The following KCNH1 variants were observed in gnomAD, a reference collection of about 807,000 sequenced individuals.
KCNH1 encodes potassium voltage-gated channel subfamily H member 1.
A neutral mutation model predicts 69.2 loss-of-function variants in KCNH1; 27 were observed. That is an observed-to-expected ratio of 0.39 (90% CI 0.29 to 0.54). The LOEUF (loss-of-function observed/expected upper bound fraction) is 0.54, where lower values mean the gene tolerates loss of function less well. KCNH1 is among the 20% of genes least tolerant of loss of function. KCNH1 has a pLI of 0.68. For synonymous variants in KCNH1, 456 were observed against 487.7 expected, an observed-to-expected ratio of 0.93 and a Z score of 0.86; for missense variants, 798 against 1,261.6, an observed-to-expected ratio of 0.63 and a Z score of 5.57.
chr1:210,946,283 C>G (rs190006318), intron 6 of KCNH1, among the ~76,000 whole-genome samples: 1 of 152,200 alleles, frequency 6.6e-6, no homozygotes, highest in East Asian at 1.9e-4. Flanking sequence ...AGAAAACAGC[C>G]CCAGGATACC....
intron 10 of KCNH1, among the ~76,000 whole-genome samples, chr1:210,726,156 C>G (rs747128656): frequency 1.3e-5 from 2 of 152,098 alleles, no homozygotes; most frequent in Non-Finnish European, 2.9e-5. Flanking sequence ...GGTAGAGTCT[C>G]CCCGGAAGAG....
intron 7 of KCNH1, among the ~76,000 whole-genome samples, chr1:210,852,996 C>G (rs940414970): frequency 6.6e-6 from 1 of 152,162 alleles, no homozygotes; most frequent in African/African-American, 2.4e-5. Flanking sequence ...ACATTTCCAT[C>G]ATGTGCTAGC....
chr1:210,804,183 G>C lies in KCNH1; in HGVS notation c.1463-17C>G, dbSNP rs750337485. ...AGAGAAGTGCTAGAGGTGAGGAGGA[G>C]GAGCAAAAGAAGAAATAACAAGTTA... On this transcript the variant is annotated splice_polypyrimidine_tract_variant and intron_variant, in intron 7 of 10. Coordinates refer to ENST00000271751, the MANE Select transcript of KCNH1 (RefSeq NM_172362.3). 138 of 1,593,050 alleles carry C rather than the reference G, an allele frequency of 8.7e-5. No homozygotes were observed. The highest frequency in any genetic ancestry group is 1.2e-4 in the Non-Finnish European group (136 of 1,167,992).
At chr1:210,716,932 A>C (rs1682271063) in intron 10 of KCNH1, among the ~76,000 whole-genome samples, 1 of 152,150 alleles carries the variant, frequency 6.6e-6, no homozygotes, top group Non-Finnish European at 1.5e-5. Context: ...CCCATGTGTG[A>C]CCCTCTGTGG....
intron 9 of KCNH1, among the ~76,000 whole-genome samples, chr1:210,776,975 C>A (rs1411842091): frequency 1.3e-5 from 2 of 152,016 alleles, no homozygotes; most frequent in Admixed American, 6.6e-5. Context: ...ACGATAAACA[C>A]AAATTTGAAT....
At chr1:211,072,248 C>A (rs1690658544) in intron 5 of KCNH1, among the ~76,000 whole-genome samples, 1 of 152,166 alleles carries the variant, frequency 6.6e-6, no homozygotes, top group South Asian at 2.1e-4. Context: ...TGCACTCCAG[C>A]CTGGGCGGCA....
intron 6 of KCNH1, among the ~76,000 whole-genome samples, chr1:210,979,118 C>T (rs993679375): frequency 6.6e-6 from 1 of 151,724 alleles, no homozygotes; most frequent in African/African-American, 2.4e-5. Context: ...TGGGTGTGGA[C>T]ATCACCAGCC....
chr1:210,791,959 T>C (rs552795365), intron 9 of KCNH1, among the ~76,000 whole-genome samples: 41 of 152,316 alleles, frequency 2.7e-4, no homozygotes, highest in African/African-American at 9.9e-4. Flanking sequence ...AACAAGCATT[T>C]ATGCCTTTAT....
At chr1:210,793,473 G>T (rs888854497) in intron 9 of KCNH1, among the ~76,000 whole-genome samples, 1 of 152,186 alleles carries the variant, frequency 6.6e-6, no homozygotes, top group East Asian at 1.9e-4. Context: ...CATATGGCAG[G>T]TTCCAGTCAC....
intron 7 of KCNH1, among the ~76,000 whole-genome samples, chr1:210,882,656 G>A (rs1483696614): frequency 1.3e-5 from 2 of 152,158 alleles, no homozygotes; most frequent in Non-Finnish European, 2.9e-5. Context: ...GATGCTTTTG[G>A]TGTACTTGTG....
rs913182004 is a variant in KCNH1, at chr1:210,770,896, G to A, written c.2112+4452C>T. On this transcript the variant is annotated intron_variant, in intron 10 of 10. Transcript: ENST00000271751. ...TGACACTCCTTAGCCAGAAGAGCAC[G>A]TGCCAGGTTTGGAATCTGCCACTTA... Among the ~76,000 whole-genome samples the A allele has an allele frequency of 2.6e-5, 4 of 152,338 alleles. No homozygotes were observed. The South Asian group carries it at 8.3e-4, about 32-fold the overall frequency.
intron 5 of KCNH1, among the ~76,000 whole-genome samples, chr1:211,057,985 A>G: frequency 6.6e-6 from 1 of 152,280 alleles, no homozygotes; most frequent in South Asian, 2.1e-4. Flanking sequence ...GAAACAACAC[A>G]CAAAAGAGCT....
rs751529702 is a variant in KCNH1, at chr1:210,683,219, G to A, written c.*62C>T. 55 of 1,488,094 alleles carry A rather than the reference G, an allele frequency of 3.7e-5. No individual in the cohort carries two copies. The highest frequency in any genetic ancestry group is 4.9e-5 in the Non-Finnish European group (54 of 1,096,596). 92.2% of individuals were successfully genotyped at this position (1,488,094 alleles called of 1,614,324 possible). On this transcript the variant is annotated 3_prime_UTR_variant, in exon 11 of 11. Transcript: ENST00000271751. The surrounding 1 kb of genome is among the most constrained non-coding windows in gnomAD (Gnocchi z 5.7). Reference sequence around the variant, plus strand: ...GTTGGTCATGTGGACATATGTGGTAGGGGTGGTGGTGACGGCAGGGTTGGA... The same window carrying A: ...GTTGGTCATGTGGACATATGTGGTAAGGGTGGTGGTGACGGCAGGGTTGGA...
intron 10 of KCNH1, among the ~76,000 whole-genome samples, chr1:210,736,546 C>A (rs527949259): frequency 1.3e-5 from 2 of 151,048 alleles, no homozygotes; most frequent in Non-Finnish European, 3.0e-5. Flanking sequence ...TCCATCCCCC[C>A]TCCAAAAAAA....
At chr1:211,106,415 C>CAG (rs1000988452) in intron 2 of KCNH1, among the ~76,000 whole-genome samples, 5 of 151,394 alleles carry the variant, frequency 3.3e-5, no homozygotes, top group East Asian at 3.9e-4. Context: ...GCTAAGAGTT[C>CAG]AGAGAGAGAG....
chr1:210,941,161 G>T (rs1189447426), intron 6 of KCNH1, among the ~76,000 whole-genome samples: 1 of 152,188 alleles, frequency 6.6e-6, no homozygotes, highest in African/African-American at 2.4e-5. Context: ...GGAAGCGGCT[G>T]GGTCTCCTAA....
intron 5 of KCNH1, among the ~76,000 whole-genome samples, chr1:211,019,796 A>G (rs187541136): frequency 2.2e-4 from 33 of 152,352 alleles, no homozygotes; most frequent in Middle Eastern, 3.4e-3. Context: ...TCAAATTCAT[A>G]TCAAGAATCT....
chr1:211,062,298 C>T (rs1358324292), intron 5 of KCNH1, among the ~76,000 whole-genome samples: 1 of 152,102 alleles, frequency 6.6e-6, no homozygotes, highest in Non-Finnish European at 1.5e-5. Flanking sequence ...CTATCTTGCA[C>T]CCAACACAAA....
At chr1:210,715,748 C>T (rs924198976) in intron 10 of KCNH1, among the ~76,000 whole-genome samples, 8 of 152,104 alleles carry the variant, frequency 5.3e-5, no homozygotes, top group African/African-American at 1.2e-4. Context: ...AACAAACCCA[C>T]GTGTGACCTT....
Sources: gnomAD v4.1 joint callset for allele counts (sites outside exome capture counted in the v4.1 genomes callset) on GRCh38, gnomAD v4.1.1 for gene constraint, Gnocchi (gnomAD v3.1) non-coding constraint, MANE v1.5 for transcripts, NCBI Gene and HGNC (gene_info 2026-07-23, HGNC 2026-07-21) for gene names.